TRIM71: variants seen among roughly 807,000 people sequenced by gnomAD.
TRIM71 encodes tripartite motif containing 71.
A neutral mutation model predicts 61.2 loss-of-function variants in TRIM71; 9 were observed. That is an observed-to-expected ratio of 0.15 (90% CI 0.09 to 0.26). The LOEUF (loss-of-function observed/expected upper bound fraction) is 0.26, where lower values mean the gene tolerates loss of function less well. TRIM71 is among the 10% of genes least tolerant of loss of function. The pLI, the probability that TRIM71 is intolerant of heterozygous loss-of-function variation, is 1.00. For missense variants in TRIM71, 998 were observed against 1,238.7 expected (o/e 0.81, Z 2.92); for synonymous variants, 645 against 553.2 (o/e 1.17, Z -2.33).
chr3:32,870,323 A>G (rs769925405), intron 1 of TRIM71, among the ~76,000 whole-genome samples: 104 of 152,274 alleles, frequency 6.8e-4, no homozygotes, highest in African/African-American at 2.2e-3. Flanking sequence ...CATTGAGGCC[A>G]TTCTTTTACT....
At chr3:32,824,225 T>A (rs1182417099) in intron 1 of TRIM71, among the ~76,000 whole-genome samples, 1 of 152,232 alleles carries the variant, frequency 6.6e-6, no homozygotes, top group African/African-American at 2.4e-5. Context: ...TTATCCAGGC[T>A]GGAGTGCGGT....
intron 1 of TRIM71, among the ~76,000 whole-genome samples, chr3:32,830,362 T>G (rs1052372775): frequency 5.9e-5 from 9 of 152,204 alleles, no homozygotes; most frequent in Non-Finnish European, 1.3e-4. Flanking sequence ...AAACCGCCTG[T>G]CATTCCAAAA....
chr3:32,839,550 A>G (rs12493367), intron 1 of TRIM71, among the ~76,000 whole-genome samples: 146,802 of 151,960 alleles, frequency 0.97, 71,116 homozygotes, highest in East Asian at 1. Flanking sequence ...ACCAAGGAGG[A>G]ACGTCTGACC....
chr3:32,844,284 A>G (rs985902665), intron 1 of TRIM71, among the ~76,000 whole-genome samples: 2 of 152,214 alleles, frequency 1.3e-5, no homozygotes, highest in Admixed American at 6.5e-5. Flanking sequence ...TTTGAGAAAC[A>G]GATTTAAATG....
intron 1 of TRIM71, among the ~76,000 whole-genome samples, chr3:32,873,060 T>TCC (rs1559548193): frequency 4.2e-4 from 40 of 96,144 alleles, no homozygotes; most frequent in Admixed American, 1.1e-3. Context: ...CCCTTCTCTC[T>TCC]CTTCCTCCCT....
At chr3:32,835,930 A>G (rs138772605) in intron 1 of TRIM71, among the ~76,000 whole-genome samples, 61 of 152,126 alleles carry the variant, frequency 4.0e-4, no homozygotes, top group African/African-American at 1.1e-3. Flanking sequence ...CTTAAAAAAC[A>G]TGTGTAGGTG....
chr3:32,867,622 T>C (rs1462750024), intron 1 of TRIM71, among the ~76,000 whole-genome samples: 1 of 152,204 alleles, frequency 6.6e-6, no homozygotes, highest in Non-Finnish European at 1.5e-5. Flanking sequence ...CCAGCCAGAA[T>C]CTTACATATT....
At chr3:32,827,308 G>C (rs1354545422) in intron 1 of TRIM71, among the ~76,000 whole-genome samples, 1 of 141,972 alleles carries the variant, frequency 7.0e-6, no homozygotes, top group Non-Finnish European at 1.5e-5. Flanking sequence ...CTGTTGCCTA[G>C]GCTGGAGTGT....
At chr3:32,874,712 T>C (rs1696836375) in intron 2 of TRIM71, among the ~76,000 whole-genome samples, 2 of 151,712 alleles carry the variant, frequency 1.3e-5, no homozygotes, top group African/African-American at 2.4e-5. Context: ...TTAGTAGAGA[T>C]TGGGTTTCAC....
At chr3:32,883,495 T>G (rs1007485260) in intron 2 of TRIM71, among the ~76,000 whole-genome samples, 1 of 152,242 alleles carries the variant, frequency 6.6e-6, no homozygotes, top group African/African-American at 2.4e-5. Flanking sequence ...CCGTTTCTGC[T>G]TTGGTCTTCA....
chr3:32,882,757 A>G (rs976008262), intron 2 of TRIM71, among the ~76,000 whole-genome samples: 5 of 152,012 alleles, frequency 3.3e-5, no homozygotes, highest in African/African-American at 1.2e-4. Context: ...GGCCAGGCTG[A>G]TCTCAAACTC....
At chr3:32,860,351 G>A (rs925436554) in intron 1 of TRIM71, among the ~76,000 whole-genome samples, 5 of 151,936 alleles carry the variant, frequency 3.3e-5, no homozygotes, top group African/African-American at 9.7e-5. Flanking sequence ...TAGATACAGG[G>A]TTTCGCTGTG....
intron 1 of TRIM71, among the ~76,000 whole-genome samples, chr3:32,856,585 C>G (rs1331042517): frequency 1.3e-5 from 2 of 152,206 alleles, no homozygotes; most frequent in Non-Finnish European, 2.9e-5. Context: ...GCTGTTTTGA[C>G]TGGACATGAA....
rs1414275157 is a variant in TRIM71 at position 32,897,538 on chromosome 3, G to GC, written c.*5728dup. On this transcript the variant is annotated 3_prime_UTR_variant, in exon 4 of 4. Transcript: ENST00000383763. ...GGTTTTTTTCCCCCCTCCTCTTTTG[G>GC]CTTTCACATTTTAAATCTTAAATGT... 6.6e-6 allele frequency: 1 copy of GC among 151,892 alleles called. No homozygotes were observed. The highest frequency in any genetic ancestry group is 1.5e-5 in the Non-Finnish European group (1 of 67,980). 9.4% of individuals were successfully genotyped at this position (151,892 alleles called of 1,614,324 possible). A position where few individuals can be genotyped will look rare whatever the true frequency, so the allele number is the denominator to read the frequency against.
chr3:32,878,987 A>T (rs1696879032), intron 2 of TRIM71, among the ~76,000 whole-genome samples: 1 of 152,268 alleles, frequency 6.6e-6, no homozygotes, highest in Non-Finnish European at 1.5e-5. Flanking sequence ...AGCTGTCTTC[A>T]TCAATTACCT....
intron 1 of TRIM71, among the ~76,000 whole-genome samples, chr3:32,867,398 G>A (rs1419111885): frequency 6.6e-6 from 1 of 152,068 alleles, no homozygotes; most frequent in Non-Finnish European, 1.5e-5. Context: ...ACCAGTTTCA[G>A]TTTTTAAAAT....
At chr3:32,872,968 A>G (rs911068050) in intron 1 of TRIM71, among the ~76,000 whole-genome samples, 6 of 152,132 alleles carry the variant, frequency 3.9e-5, no homozygotes, top group Non-Finnish European at 7.4e-5. Flanking sequence ...GAGATACAGT[A>G]ATGAGACTGG....
rs887974429 is a variant in TRIM71 at position 32,877,588 on chromosome 3, G to A, written c.1020+3603G>A. Reference sequence around the variant, plus strand: ...TAGGCTGATCTCACTCAAACTCCTGGCTTCATGCGATCTTTCACCTTGGCC... The same window carrying A: ...TAGGCTGATCTCACTCAAACTCCTGACTTCATGCGATCTTTCACCTTGGCC... On this transcript the variant is annotated intron_variant, in intron 2 of 3. Coordinates refer to ENST00000383763, the MANE Select transcript of TRIM71 (RefSeq NM_001039111.3). Among the ~76,000 whole-genome samples the A allele has an allele frequency of 4.0e-5, 6 of 151,886 alleles. 1 individual carries two copies. Among genetic ancestry groups the A allele is most frequent in the Admixed American group, 3.9e-4 (6 of 15,242 alleles).
At chr3:32,877,261 T>TC (rs1696860042) in intron 2 of TRIM71, among the ~76,000 whole-genome samples, 2 of 151,998 alleles carry the variant, frequency 1.3e-5, no homozygotes, top group African/African-American at 4.8e-5. Context: ...CTGCCACCAC[T>TC]CCCGACTAAT....
Sources: gnomAD v4.1 joint callset for allele counts (sites outside exome capture counted in the v4.1 genomes callset) on GRCh38, gnomAD v4.1.1 for gene constraint, MANE v1.5 for transcripts, NCBI Gene and HGNC (gene_info 2026-07-23, HGNC 2026-07-21) for gene names.